The following RFX2 variants were observed in gnomAD, a reference collection of about 807,000 sequenced individuals.
RFX2 encodes DNA-binding protein RFX2.
In RFX2, 20 loss-of-function variants were observed where a neutral mutation model predicts 87.8. The observed-to-expected ratio is 0.23, with a 90% CI of 0.16 to 0.33. The LOEUF is 0.33. RFX2 is among the 10% of genes least tolerant of loss of function. RFX2 has a pLI of 1.00. For missense variants in RFX2, 767 were observed against 1,012.3 expected, an observed-to-expected ratio of 0.76 and a Z score of 3.29; for synonymous variants, 397 against 431.3, an observed-to-expected ratio of 0.92 and a Z score of 0.98.
chr19:6,092,018 T>TG (rs1271538647), intron 1 of RFX2, among the ~76,000 whole-genome samples: 1 of 151,284 alleles, frequency 6.6e-6, no homozygotes, highest in Admixed American at 6.6e-5. Context: ...CATCCGGGAG[T>TG]GGGGGGAGGA....
chr19:6,087,299 T>C (rs1329996752), intron 1 of RFX2, among the ~76,000 whole-genome samples: 5 of 152,266 alleles, frequency 3.3e-5, no homozygotes, highest in Middle Eastern at 3.4e-3. Flanking sequence ...CCCACTGCCC[T>C]GTATTTAGGA....
chr19:6,052,951 G>A (rs539576603), intron 1 of RFX2, among the ~76,000 whole-genome samples: 2 of 152,216 alleles, frequency 1.3e-5, no homozygotes, highest in East Asian at 3.9e-4. Context: ...ACCTAAAGCA[G>A]TGCTTAGAAA....
chr19:6,019,266 C>A (rs1402216210), intron 6 of RFX2, among the ~76,000 whole-genome samples: 1 of 152,150 alleles, frequency 6.6e-6, no homozygotes, highest in African/African-American at 2.4e-5. Flanking sequence ...TCCTCACTTG[C>A]CTCTTTGGGA....
At chr19:6,072,885 C>T (rs749821186) in intron 1 of RFX2, 108 of 1,211,690 alleles carry the variant, frequency 8.9e-5, no homozygotes, top group Admixed American at 5.1e-4. Flanking sequence ...AGGAGTTCAT[C>T]TGGCACCAGT....
At chr19:6,072,675 A>G (rs896770051) in intron 1 of RFX2, 1 of 381,772 alleles carries the variant, frequency 2.6e-6, no homozygotes, top group African/African-American at 2.1e-5. Flanking sequence ...ACTGCACTCC[A>G]GCCTGGGCGA....
At position 6,011,339 on chromosome 19, in the gene RFX2, G is replaced by C. The variant is rs2144697489; in HGVS notation, c.900-1088C>G. ...CAGGGCCCGGTGTGTGGTGTGGTGGGGGCAGGGAGGGAGCCGGCTTGAGCT... is the reference window on the plus strand; with the variant it reads ...CAGGGCCCGGTGTGTGGTGTGGTGGCGGCAGGGAGGGAGCCGGCTTGAGCT... On this transcript the variant is annotated intron_variant, in intron 8 of 17. Coordinates refer to ENST00000303657, the MANE Select transcript of RFX2 (RefSeq NM_000635.4). This position sits in a 1 kb window ranked among gnomAD's most constrained non-coding sequence, Gnocchi z 4.8. 6.6e-6 allele frequency among the ~76,000 whole-genome samples: 1 copy of C among 152,196 alleles called. No homozygotes were observed. Among genetic ancestry groups the C allele is most frequent in the South Asian group, 2.1e-4 (1 of 4,816 alleles).
At chr19:6,041,060 C>T (rs1250397081) in intron 4 of RFX2, among the ~76,000 whole-genome samples, 2 of 152,116 alleles carry the variant, frequency 1.3e-5, no homozygotes, top group Non-Finnish European at 2.9e-5. Flanking sequence ...ATGTCAATTT[C>T]CAGGGGTTTT....
chr19:6,085,314 C>T (rs1329181571), intron 1 of RFX2, among the ~76,000 whole-genome samples: 2 of 152,178 alleles, frequency 1.3e-5, no homozygotes, highest in South Asian at 2.1e-4. Context: ...TAACAGTCAT[C>T]GTAATGGGTG....
rs2087116727 is a variant in RFX2 at position 6,042,050 on chromosome 19, C to G, written c.254G>C (p.Gly85Ala). Residue 85 changes from glycine (G) to alanine (A), a missense_variant, in exon 4 of 18, where the codon GGA (glycine) becomes GCA (alanine). Transcript: ENST00000303657. ...VEGGDAVYTN[G>A]AIRTAYTYNP... ...CCGCGGGAGAAGCACGCACATGGCT[C>G]CATTGGTGTAGACGGCGTCTCCCCC... 1 of 1,613,744 alleles carries G rather than the reference C, an allele frequency of 6.2e-7. No individual in the cohort carries two copies. Among genetic ancestry groups the G allele is most frequent in the Non-Finnish European group, 8.5e-7 (1 of 1,179,818 alleles).
At position 5,997,826 on chromosome 19, in the gene RFX2, T is replaced by C. The variant is rs186493477; in HGVS notation, c.1860-613A>G. On this transcript the variant is annotated intron_variant, in intron 15 of 17. Transcript: ENST00000303657. The surrounding 1 kb of genome is among the most constrained non-coding windows in gnomAD (Gnocchi z 4.2). ...ACAATGCTTTACATTTTGAAATGGT[T>C]GGAAAAAGTCAAAAGAATAATTATA... Among the ~76,000 whole-genome samples, 8 of 152,354 alleles carry C rather than the reference T, an allele frequency of 5.3e-5. No homozygotes were observed. The highest frequency in any genetic ancestry group is 1.9e-4 in the African/African-American group (8 of 41,586).
At chr19:6,080,161 C>T (rs2087757714) in intron 1 of RFX2, among the ~76,000 whole-genome samples, 2 of 150,684 alleles carry the variant, frequency 1.3e-5, no homozygotes, top group Non-Finnish European at 1.5e-5. Flanking sequence ...CCTGCCTCAG[C>T]CTCCTGTGAG....
intron 1 of RFX2, among the ~76,000 whole-genome samples, chr19:6,052,003 G>A (rs113856466): frequency 0.013 from 2,046 of 152,098 alleles, 28 homozygotes; most frequent in Middle Eastern, 0.082. Flanking sequence ...TCAGCCTCCC[G>A]AGTAGCTGGG....
intron 7 of RFX2, 93 bp downstream of exon 7, chr19:6,015,997 T>C (rs2086721227): frequency 7.7e-7 from 1 of 1,294,574 alleles, no homozygotes; most frequent in South Asian, 1.6e-5. Context: ...TCAGGCCACC[T>C]GGAAAGGAGG....
At chr19:6,006,976 A>T (rs1260499047) in intron 12 of RFX2, 36 bp downstream of exon 12, 2 of 1,606,820 alleles carry the variant, frequency 1.2e-6, no homozygotes, top group Non-Finnish European at 1.7e-6. Flanking sequence ...GGAAGAGAGG[A>T]TGGAGCAGCG....
At chr19:6,099,714 C>T (rs1349376607) in intron 1 of RFX2, among the ~76,000 whole-genome samples, 2 of 152,142 alleles carry the variant, frequency 1.3e-5, no homozygotes, top group Non-Finnish European at 1.5e-5. Flanking sequence ...GGAAATGAGA[C>T]GCACAAATCA....
chr19:6,060,971 TC>T lies in RFX2; in HGVS notation c.-8-13468del, dbSNP rs201144510. Among the ~76,000 whole-genome samples the T allele has an allele frequency of 3.9e-4, 60 of 152,112 alleles. No homozygotes were observed. In the East Asian group the frequency reaches 0.011, roughly 29 times the overall value. ...TCTGCCTGGGCGCCCCTCAGGTGCCTCAACAAGTCCAAGGGAAACTCTCCCC... is the reference window on the plus strand; with the variant it reads ...TCTGCCTGGGCGCCCCTCAGGTGCCTAACAAGTCCAAGGGAAACTCTCCCC... On this transcript the variant is annotated intron_variant, in intron 1 of 17. Transcript: ENST00000303657.
At chr19:6,052,382 C>T (rs887108561) in intron 1 of RFX2, among the ~76,000 whole-genome samples, 2 of 151,908 alleles carry the variant, frequency 1.3e-5, no homozygotes, top group African/African-American at 2.4e-5. Flanking sequence ...CTTCAAGATA[C>T]GTAAAGTAAA....
Position 6,002,883 on chromosome 19 carries a change from G to A in RFX2, c.1501-13C>T. On this transcript the variant is annotated splice_polypyrimidine_tract_variant and intron_variant, in intron 13 of 17. Transcript: ENST00000303657. This position sits in a 1 kb window ranked among gnomAD's most constrained non-coding sequence, Gnocchi z 6.7. ...TGACGACGCCCACCTGTAAGCCAGG[G>A]CTCGTGGTGAGCAGGGGTTCGCAGG... 1 of 1,598,764 alleles carries A rather than the reference G, an allele frequency of 6.3e-7. No individual in the cohort carries two copies. The highest frequency in any genetic ancestry group is 8.5e-7 in the Non-Finnish European group (1 of 1,175,552).
chr19:6,027,525 C>T lies in RFX2; in HGVS notation c.523-1288G>A. ...AGCTTGGGCAGCCACGTGAGTACTG[C>T]CCTGTGGCACCTTCCCTGTGGGACA... is the stretch of plus-strand genomic sequence containing the variant. On this transcript the variant is annotated intron_variant, in intron 5 of 17. Coordinates refer to ENST00000303657, the MANE Select transcript of RFX2 (RefSeq NM_000635.4). This position sits in a 1 kb window ranked among gnomAD's most constrained non-coding sequence, Gnocchi z 5.0. Among the ~76,000 whole-genome samples the T allele has an allele frequency of 6.6e-6, 1 of 152,182 alleles. No homozygotes were observed. The highest frequency in any genetic ancestry group is 1.5e-5 in the Non-Finnish European group (1 of 68,042).
Sources: allele counts gnomAD v4.1 joint callset (sites outside exome capture counted in the v4.1 genomes callset), GRCh38; gene constraint gnomAD v4.1.1; non-coding constraint Gnocchi (gnomAD v3.1); transcripts MANE v1.5; gene names NCBI Gene and HGNC (gene_info 2026-07-23, HGNC 2026-07-21).